The following LRMDA variants were observed in gnomAD, a reference collection of about 807,000 sequenced individuals.
LRMDA encodes leucine rich melanocyte differentiation associated, also known as leucine-rich melanocyte differentiation-associated protein.
A neutral mutation model predicts 29.8 loss-of-function variants in LRMDA; 18 were observed. The ratio of observed to expected loss-of-function variants is 0.60; its 90% CI spans 0.42 to 0.90. The LOEUF (loss-of-function observed/expected upper bound fraction) is 0.90. LRMDA is among the 40% of genes least tolerant of loss of function. The pLI is 0.00. For missense variants in LRMDA, 273 were observed against 273.9 expected (o/e 1.00, Z 0.02); for synonymous variants, 125 against 109.4 (o/e 1.14, Z -0.89).
At chr10:75,761,124 A>G (rs1269844690) in intron 2 of LRMDA, among the ~76,000 whole-genome samples, 1 of 152,232 alleles carries the variant, frequency 6.6e-6, no homozygotes, top group African/African-American at 2.4e-5. Context: ...AAAGTTGAAG[A>G]TGGCCTCCTC....
chr10:75,979,351 G>A (rs1847127242), intron 2 of LRMDA, among the ~76,000 whole-genome samples: 2 of 152,160 alleles, frequency 1.3e-5, no homozygotes, highest in African/African-American at 4.8e-5. Context: ...CTTAGACACA[G>A]CTATAAATAA....
chr10:76,102,176 T>C lies in LRMDA; in HGVS notation c.516+43393T>C, dbSNP rs369025056. On this transcript the variant is annotated intron_variant, in intron 5 of 6. Coordinates refer to ENST00000611255, the MANE Select transcript of LRMDA (RefSeq NM_001305581.2). ...ACATTTTGTTTATCCATTCATCCTT[T>C]GATGGACGTTTGGGTGTTTCCATCT... 2.6e-5 allele frequency among the ~76,000 whole-genome samples: 4 copies of C among 152,374 alleles called. No individual in the cohort carries two copies. The East Asian group carries it at 7.7e-4, about 29-fold the overall frequency.
At chr10:76,265,623 A>G (rs1839997933) in intron 5 of LRMDA, among the ~76,000 whole-genome samples, 1 of 152,050 alleles carries the variant, frequency 6.6e-6, no homozygotes. Context: ...TACTTAAGAG[A>G]GTGCTGGGGG....
At chr10:76,118,406 GT>G (rs1316163262) in intron 5 of LRMDA, among the ~76,000 whole-genome samples, 1 of 152,126 alleles carries the variant, frequency 6.6e-6, no homozygotes, top group African/African-American at 2.4e-5. Context: ...AAGATATAGT[GT>G]GCTAATGTTA....
At chr10:76,422,471 AT>A (rs1490297214) in intron 6 of LRMDA, among the ~76,000 whole-genome samples, 1 of 152,062 alleles carries the variant, frequency 6.6e-6, no homozygotes, top group East Asian at 1.9e-4. Flanking sequence ...CAGATCTTGA[AT>A]TTGAGGCTAA....
chr10:75,796,317 A>G (rs868852244), intron 2 of LRMDA, among the ~76,000 whole-genome samples: 5 of 152,328 alleles, frequency 3.3e-5, no homozygotes, highest in South Asian at 2.1e-4. Context: ...TCTTTGATGT[A>G]GAAGTTCTTA....
At chr10:76,012,366 G>A (rs1847798379) in intron 2 of LRMDA, among the ~76,000 whole-genome samples, 2 of 152,214 alleles carry the variant, frequency 1.3e-5, no homozygotes. Context: ...CAGCATGAGA[G>A]CTTTCATGTC....
At chr10:76,075,911 G>T (rs1270953094) in intron 5 of LRMDA, among the ~76,000 whole-genome samples, 3 of 152,160 alleles carry the variant, frequency 2.0e-5, no homozygotes, top group Non-Finnish European at 2.9e-5. Context: ...GAGTAAATGA[G>T]TGTCTGCCTT....
chr10:75,859,268 A>G (rs1844878174), intron 2 of LRMDA, among the ~76,000 whole-genome samples: 1 of 152,116 alleles, frequency 6.6e-6, no homozygotes, highest in South Asian at 2.1e-4. Context: ...GCACATTTTA[A>G]ATGGTACTGG....
intron 2 of LRMDA, among the ~76,000 whole-genome samples, chr10:75,597,368 G>GCCAGTGGCCTCAGACCCCTGC (rs1840804498): frequency 6.6e-6 from 1 of 152,158 alleles, no homozygotes; most frequent in Non-Finnish European, 1.5e-5. Context: ...TAAAACAATG[G>GCCAGTGGCCTCAGACCCCTGC]CCAGTGGCCT....
chr10:76,333,850 A>T (rs577309579), intron 6 of LRMDA, among the ~76,000 whole-genome samples: 1 of 152,326 alleles, frequency 6.6e-6, no homozygotes, highest in African/African-American at 2.4e-5. Context: ...CCGAATACTG[A>T]TTATATTTCA....
intron 6 of LRMDA, among the ~76,000 whole-genome samples, chr10:76,345,620 G>C (rs1216638221): frequency 6.6e-6 from 1 of 151,898 alleles, no homozygotes; most frequent in Non-Finnish European, 1.5e-5. Flanking sequence ...CATGATAATA[G>C]TGACAATTTA....
chr10:76,413,592 G>A (rs1020926537), intron 6 of LRMDA, among the ~76,000 whole-genome samples: 1 of 152,150 alleles, frequency 6.6e-6, no homozygotes, highest in African/African-American at 2.4e-5. Context: ...TGGGAATGAT[G>A]GGAGTTACAG....
chr10:75,610,896 C>T (rs548511623), intron 2 of LRMDA, among the ~76,000 whole-genome samples: 9 of 152,202 alleles, frequency 5.9e-5, no homozygotes, highest in African/African-American at 1.4e-4. Flanking sequence ...TGATGGGAGT[C>T]GTAAATTTTT....
In LRMDA at chr10:76,559,692, A is replaced by C. The variant is rs577711344; in HGVS notation, c.*2404A>C. 1 of 152,378 alleles carries C rather than the reference A, an allele frequency of 6.6e-6. No individual in the cohort carries two copies. The allele number at this position is 152,378 out of a possible 1,614,324, so 9.4% of individuals were successfully genotyped here. A position where few individuals can be genotyped will look rare whatever the true frequency, so the allele number is the denominator to read the frequency against. The stretch of plus-strand genomic sequence containing the variant: ...TTTCAAAGTTGAGAAGTAGAAAGTA[A>C]TAAATTCAATCAGGGCCCAGACATG... On this transcript the variant is annotated 3_prime_UTR_variant, in exon 7 of 7. Coordinates refer to ENST00000611255, the MANE Select transcript of LRMDA (RefSeq NM_001305581.2).
chr10:75,785,413 A>G (rs79964852), intron 2 of LRMDA, among the ~76,000 whole-genome samples: 1 of 152,306 alleles, frequency 6.6e-6, no homozygotes, highest in Non-Finnish European at 1.5e-5. Context: ...ACCACACCGA[A>G]CACTGAGCAT....
At chr10:75,695,313 A>G (rs548176920) in intron 2 of LRMDA, among the ~76,000 whole-genome samples, 9 of 152,260 alleles carry the variant, frequency 5.9e-5, no homozygotes, top group Non-Finnish European at 1.2e-4. Context: ...CAAATTATCT[A>G]TCAGTTCATT....
Position 76,516,304 on chromosome 10 carries a change from G to C in LRMDA, c.602-40905G>C, listed in dbSNP as rs148613016. 6.8e-4 allele frequency among the ~76,000 whole-genome samples: 103 copies of C among 152,084 alleles called. 1 individual carries two copies. The South Asian group carries it at 0.013, about 19-fold the overall frequency. On this transcript the variant is annotated intron_variant, in intron 6 of 6. Coordinates refer to ENST00000611255, the MANE Select transcript of LRMDA (RefSeq NM_001305581.2). ...TGTATGAAATGATTAAACAAATAAA[G>C]GTGGGTTAAAACAGAGAAAGCAATA...
At chr10:76,032,760 A>C (rs563098038) in intron 2 of LRMDA, among the ~76,000 whole-genome samples, 128 of 152,264 alleles carry the variant, frequency 8.4e-4, no homozygotes, top group Non-Finnish European at 1.4e-3. Flanking sequence ...ATCTCCCTCC[A>C]GCTGGCTGTG....
Sources: gnomAD v4.1 joint callset for allele counts (sites outside exome capture counted in the v4.1 genomes callset) on GRCh38, gnomAD v4.1.1 for gene constraint, MANE v1.5 for transcripts, NCBI Gene and HGNC (gene_info 2026-07-23, HGNC 2026-07-21) for gene names.